Variants in GALNTL6 observed in about 807,000 individuals in gnomAD.
The protein encoded by GALNTL6 is polypeptide N-acetylgalactosaminyltransferase like 6, also known as polypeptide N-acetylgalactosaminyltransferase-like 6.
Under a neutral mutation model 73.7 loss-of-function variants are expected in GALNTL6, and 46 were observed. The observed-to-expected ratio is 0.62, with a 90% CI of 0.49 to 0.80. The LOEUF is 0.80. Ranked by LOEUF, GALNTL6 falls within the 30% of genes least tolerant of loss-of-function variation. The probability of loss-of-function intolerance (pLI) is 0.00; values close to 1 mark genes in which losing one functional copy is unlikely to be tolerated. For missense variants in GALNTL6, 604 were observed against 755.0 expected, an observed-to-expected ratio of 0.80 and a Z score of 2.34; for synonymous variants, 259 against 263.7, an observed-to-expected ratio of 0.98 and a Z score of 0.17.
intron 10 of GALNTL6, among the ~76,000 whole-genome samples, chr4:172,979,506 G>A (rs953382999): frequency 9.2e-5 from 14 of 152,302 alleles, no homozygotes; most frequent in East Asian, 7.7e-4. Context: ...CATATCTAGC[G>A]TATACCTTAG....
chr4:172,313,136 T>G (rs1740422388), intron 4 of GALNTL6, among the ~76,000 whole-genome samples: 1 of 129,698 alleles, frequency 7.7e-6, no homozygotes, highest in African/African-American at 2.9e-5. Flanking sequence ...CCACACTTCT[T>G]TTTTTTTTAG....
intron 7 of GALNTL6, among the ~76,000 whole-genome samples, chr4:172,859,957 A>G (rs1399942028): frequency 6.6e-6 from 1 of 152,196 alleles, no homozygotes; most frequent in Non-Finnish European, 1.5e-5. Context: ...CTGTTTCTAC[A>G]TTATGGTGAG....
At chr4:172,671,054 C>CAAAA (rs1731950342) in intron 5 of GALNTL6, among the ~76,000 whole-genome samples, 1 of 152,002 alleles carries the variant, frequency 6.6e-6, no homozygotes, top group South Asian at 2.1e-4. Context: ...TTACTGCAAC[C>CAAAA]CTGTAGTATG....
intron 2 of GALNTL6, among the ~76,000 whole-genome samples, chr4:171,973,242 G>C (rs1359707677): frequency 6.6e-6 from 1 of 152,012 alleles, no homozygotes; most frequent in Non-Finnish European, 1.5e-5. Context: ...TCTTCTTTTG[G>C]AGAAAAAAGG....
At chr4:172,072,742 A>G (rs1475719000) in intron 2 of GALNTL6, among the ~76,000 whole-genome samples, 1 of 146,794 alleles carries the variant, frequency 6.8e-6, no homozygotes, top group Non-Finnish European at 1.5e-5. Context: ...ACTTTAGCAA[A>G]TCTCCACATT....
rs556911487 is a variant in GALNTL6, at chr4:172,443,734, A to G, written c.553+95045A>G. ...TATGCTATTTTTAGTATTGGGGGAA[A>G]TAATCTGGTAAAAGCTATTAAAATT... On this transcript the variant is annotated intron_variant, in intron 5 of 12. Transcript: ENST00000506823. 2.6e-4 allele frequency among the ~76,000 whole-genome samples: 40 copies of G among 152,328 alleles called. No homozygotes were observed. In the South Asian group the frequency reaches 6.0e-3, roughly 23 times the overall value.
chr4:171,970,884 C>T (rs1478018856), intron 2 of GALNTL6, among the ~76,000 whole-genome samples: 2 of 152,118 alleles, frequency 1.3e-5, no homozygotes, highest in Non-Finnish European at 2.9e-5. Context: ...AGAAATAAAT[C>T]ACTACTGAAG....
chr4:172,750,170 T>G (rs1737345360), intron 5 of GALNTL6, among the ~76,000 whole-genome samples: 2 of 152,210 alleles, frequency 1.3e-5, no homozygotes, highest in African/African-American at 4.8e-5. Context: ...TATATTTGTC[T>G]CCAGTTCAGG....
In GALNTL6 at chr4:172,925,020, T is replaced by A. The variant is rs369536065; in HGVS notation, c.1042-6141T>A. 4.1e-4 allele frequency among the ~76,000 whole-genome samples: 63 copies of A among 152,084 alleles called. No individual in the cohort carries two copies. In the East Asian group the frequency reaches 0.011, roughly 27 times the overall value. On this transcript the variant is annotated intron_variant, in intron 8 of 12. Coordinates refer to ENST00000506823, the MANE Select transcript of GALNTL6 (RefSeq NM_001034845.3). ...CCGAGTACCTGGGACTACAGGTGCCTGCCACCACGCCCGGCTAATTTTTTT... is the reference window on the plus strand; with the variant it reads ...CCGAGTACCTGGGACTACAGGTGCCAGCCACCACGCCCGGCTAATTTTTTT...
chr4:172,207,069 G>T (rs1217965999), intron 2 of GALNTL6, among the ~76,000 whole-genome samples: 1 of 151,518 alleles, frequency 6.6e-6, no homozygotes, highest in East Asian at 1.9e-4. Flanking sequence ...CGCCCCCCTT[G>T]GCCTCCCAAA....
chr4:172,762,783 CAAA>C (rs140987178), intron 5 of GALNTL6, among the ~76,000 whole-genome samples: 31,151 of 139,728 alleles, frequency 0.22, 3,617 homozygotes, highest in Middle Eastern at 0.35. Context: ...CAGATTCACT[CAAA>C]AAAAAAAAAA....
At chr4:171,902,954 CTATT>C (rs1737145698) in intron 2 of GALNTL6, among the ~76,000 whole-genome samples, 1 of 152,068 alleles carries the variant, frequency 6.6e-6, no homozygotes, top group South Asian at 2.1e-4. Flanking sequence ...GGAGGAGAAA[CTATT>C]TAGGAAGATA....
intron 5 of GALNTL6, among the ~76,000 whole-genome samples, chr4:172,764,239 G>A (rs898763034): frequency 2.0e-5 from 3 of 152,140 alleles, no homozygotes; most frequent in Non-Finnish European, 4.4e-5. Context: ...TTACAGGCGC[G>A]AACCACCGCG....
intron 2 of GALNTL6, among the ~76,000 whole-genome samples, chr4:172,013,585 A>T (rs1010248927): frequency 4.6e-5 from 7 of 152,016 alleles, no homozygotes; most frequent in African/African-American, 1.7e-4. Flanking sequence ...GTGGGTACAT[A>T]GTAGGTGTGT....
chr4:172,589,000 T>A (rs1223024644), intron 5 of GALNTL6, among the ~76,000 whole-genome samples: 1 of 152,260 alleles, frequency 6.6e-6, no homozygotes, highest in Non-Finnish European at 1.5e-5. Flanking sequence ...TCAAATTAAT[T>A]AACTACATTA....
chr4:172,620,045 AT>A (rs1175069878), intron 5 of GALNTL6, among the ~76,000 whole-genome samples: 8 of 151,900 alleles, frequency 5.3e-5, no homozygotes, highest in South Asian at 2.1e-4. Context: ...TTTGGGACCT[AT>A]TTTTTTTCCA....
intron 5 of GALNTL6, among the ~76,000 whole-genome samples, chr4:172,405,183 C>G (rs995529048): frequency 6.6e-6 from 1 of 151,652 alleles, no homozygotes; most frequent in Non-Finnish European, 1.5e-5. Flanking sequence ...CCCTGGAAAC[C>G]GAATTTAACA....
At chr4:172,647,321 A>C (rs1220173519) in intron 5 of GALNTL6, among the ~76,000 whole-genome samples, 1 of 152,118 alleles carries the variant, frequency 6.6e-6, no homozygotes, top group Non-Finnish European at 1.5e-5. Flanking sequence ...TGGAGGACAC[A>C]GCTCAGGCCT....
chr4:171,997,295 T>A (rs1740522853), intron 2 of GALNTL6, among the ~76,000 whole-genome samples: 1 of 152,050 alleles, frequency 6.6e-6, no homozygotes, highest in Non-Finnish European at 1.5e-5. Context: ...TTGGATTCCA[T>A]TATCCATGAT....
Sources: gnomAD v4.1 joint callset for allele counts (sites outside exome capture counted in the v4.1 genomes callset) on GRCh38, gnomAD v4.1.1 for gene constraint, MANE v1.5 for transcripts, NCBI Gene and HGNC (gene_info 2026-07-23, HGNC 2026-07-21) for gene names.